PCNT: variants seen among roughly 807,000 people sequenced by gnomAD.
The protein encoded by PCNT is kendrin.
Under a neutral mutation model 380.4 loss-of-function variants are expected in PCNT, and 319 were observed. That is an observed-to-expected ratio of 0.84 (90% CI 0.77 to 0.92). The LOEUF is 0.92. Ranked by LOEUF, PCNT falls within the 40% of genes least tolerant of loss-of-function variation. The probability of loss-of-function intolerance (pLI) is 0.00; values close to 1 mark genes in which losing one functional copy is unlikely to be tolerated. For synonymous variants in PCNT, 1,845 were observed against 1,735.2 expected, an observed-to-expected ratio of 1.06 and a Z score of -1.57; for missense variants, 4,400 against 4,255.3, an observed-to-expected ratio of 1.03 and a Z score of -0.95.
intron 21 of PCNT, among the ~76,000 whole-genome samples, chr21:46,394,240 C>CA (rs562106969): frequency 4.7e-4 from 72 of 152,348 alleles, no homozygotes; most frequent in African/African-American, 1.6e-3. Flanking sequence ...TTGCGTGACG[C>CA]CCCCTTCGCT....
intron 15 of PCNT, among the ~76,000 whole-genome samples, chr21:46,369,762 C>T (rs1322946960): frequency 6.6e-6 from 1 of 152,150 alleles, no homozygotes; most frequent in East Asian, 1.9e-4. Context: ...GTTTCCTGGA[C>T]GGAAGGAGCT....
chr21:46,350,186 TAAATA>T lies in PCNT; in HGVS notation c.1344+376_1344+380del, dbSNP rs545324616. Among the ~76,000 whole-genome samples, 10 of 152,126 alleles carry T rather than the reference TAAATA, an allele frequency of 6.6e-5. No individual in the cohort carries two copies. The East Asian group carries it at 7.7e-4, about 12-fold the overall frequency. ...AGCGAGCCTCCGTCTCAAAAGCAAA[TAAATA>T]AAATAAAATGAAATAAAAAAATAAA... On this transcript the variant is annotated intron_variant, in intron 8 of 46. Coordinates refer to ENST00000359568, the MANE Select transcript of PCNT (RefSeq NM_006031.6).
intron 14 of PCNT, among the ~76,000 whole-genome samples, chr21:46,365,337 A>G (rs11702644): frequency 0.71 from 54,255 of 76,852 alleles, 18,026 homozygotes; most frequent in African/African-American, 0.81. Flanking sequence ...ATTCACTGCC[A>G]TGGGGTTCTA....
At chr21:46,419,722 C>A (rs528127598) in intron 31 of PCNT, among the ~76,000 whole-genome samples, 54 of 152,328 alleles carry the variant, frequency 3.5e-4, no homozygotes, top group African/African-American at 1.2e-3. Flanking sequence ...GGCTCCCAGG[C>A]GGCCCCTTGC....
intron 2 of PCNT, among the ~76,000 whole-genome samples, chr21:46,332,584 C>T (rs1274948477): frequency 6.6e-6 from 1 of 152,164 alleles, no homozygotes; most frequent in Non-Finnish European, 1.5e-5. Context: ...ACTGTGTCCC[C>T]TTTTCGTCCC....
intron 45 of PCNT, 113 bp downstream of exon 45, chr21:46,444,061 C>A: frequency 2.6e-6 from 3 of 1,163,480 alleles, no homozygotes; most frequent in Non-Finnish European, 3.6e-6. Flanking sequence ...CAGGGCAAGG[C>A]AGGAAACTCT....
At chr21:46,434,296 C>T (rs751119537) in intron 38 of PCNT, among the ~76,000 whole-genome samples, 9 of 152,344 alleles carry the variant, frequency 5.9e-5, no homozygotes, top group South Asian at 4.1e-4. Flanking sequence ...TTGAGTGAGG[C>T]GCTGTCAGGA....
At chr21:46,368,363 A>G (rs1261578767) in intron 15 of PCNT, among the ~76,000 whole-genome samples, 2 of 151,648 alleles carry the variant, frequency 1.3e-5, no homozygotes, top group East Asian at 1.9e-4. Flanking sequence ...CAGGAGAATG[A>G]TGTGAACCCG....
At chr21:46,370,455 G>A (rs1319986239) in intron 15 of PCNT, among the ~76,000 whole-genome samples, 2 of 150,820 alleles carry the variant, frequency 1.3e-5, no homozygotes, top group East Asian at 1.9e-4. Context: ...GGGGGATAGT[G>A]AGGGGTGCCT....
intron 33 of PCNT, among the ~76,000 whole-genome samples, chr21:46,426,584 C>T (rs1394511974): frequency 6.6e-6 from 1 of 151,026 alleles, no homozygotes; most frequent in East Asian, 1.9e-4. Flanking sequence ...AGGGCCTCTC[C>T]TCCTGCCACT....
At chr21:46,358,501 G>A (rs528063851) in intron 13 of PCNT, among the ~76,000 whole-genome samples, 14 of 152,372 alleles carry the variant, frequency 9.2e-5, no homozygotes, top group African/African-American at 3.1e-4. Flanking sequence ...CCGGACAGGC[G>A]GTAGGTGGGC....
At chr21:46,358,469 A>G (rs1385043170) in intron 13 of PCNT, among the ~76,000 whole-genome samples, 1 of 152,256 alleles carries the variant, frequency 6.6e-6, no homozygotes, top group African/African-American at 2.4e-5. Flanking sequence ...AAATAGAGGT[A>G]AGGGTGGAGC....
chr21:46,367,707 G>A (rs892984826), intron 15 of PCNT, among the ~76,000 whole-genome samples: 1 of 152,192 alleles, frequency 6.6e-6, no homozygotes, highest in Admixed American at 6.5e-5. Flanking sequence ...CTAGACCTTG[G>A]TGGGGGATTT....
chr21:46,332,998 A>G (rs1016287128), intron 2 of PCNT, among the ~76,000 whole-genome samples: 1 of 152,248 alleles, frequency 6.6e-6, no homozygotes, highest in African/African-American at 2.4e-5. Context: ...CAGTAGTTCC[A>G]GCTACTCAGG....
At chr21:46,412,195 G>A in intron 28 of PCNT, 128 bp downstream of exon 28, 7 of 1,139,740 alleles carry the variant, frequency 6.1e-6, no homozygotes, top group Non-Finnish European at 8.7e-6. Flanking sequence ...TGACACAGCG[G>A]AGAAAGGGGG....
In PCNT at chr21:46,444,813, T is replaced by G. The variant is rs917159129; in HGVS notation, c.9959T>G (p.Val3320Gly). The change falls in exon 46 of 47, where the codon GTA (valine) becomes GGA (glycine). Residue 3320 changes from valine (V) to glycine (G), a missense_variant. Coordinates refer to ENST00000359568, the MANE Select transcript of PCNT (RefSeq NM_006031.6). ...GTGATCCAGCAAAGATTGGGAGGGG[T>G]ACTACCAGGTAATGCAAGTCCTCGC... ...LEVIQQRLGGVLPDSTSKKSC... is the reference protein window; with the variant it reads ...LEVIQQRLGGGLPDSTSKKSC... 1.2e-6 allele frequency: 2 copies of G among 1,613,082 alleles called. No individual in the cohort carries two copies. The highest frequency in any genetic ancestry group is 1.7e-6 in the Non-Finnish European group (2 of 1,179,214).
rs531248091 is a variant in PCNT, at chr21:46,433,442, G to A, written c.8751+1227G>A. ...GTTTTTTTTATCTCCAGAAGCCTTG[G>A]AGAGTAGGGAGGTGGTTTGGTGGTA... On this transcript the variant is annotated intron_variant, in intron 38 of 46. Coordinates refer to ENST00000359568, the MANE Select transcript of PCNT (RefSeq NM_006031.6). 6.6e-5 allele frequency among the ~76,000 whole-genome samples: 10 copies of A among 152,274 alleles called. No homozygotes were observed. The East Asian group carries it at 1.5e-3, about 24-fold the overall frequency.
At chr21:46,407,192 C>T (rs1396095616) in intron 27 of PCNT, among the ~76,000 whole-genome samples, 1 of 152,008 alleles carries the variant, frequency 6.6e-6, no homozygotes, top group East Asian at 1.9e-4. Context: ...AGTTTTATAT[C>T]TAGAGAGATT....
chr21:46,366,710 C>T lies in PCNT; in HGVS notation c.2736C>T (p.Leu912=), dbSNP rs776976942. The T allele has an allele frequency of 1.2e-6, 2 of 1,613,762 alleles. No individual in the cohort carries two copies. Among genetic ancestry groups the T allele is most frequent in the Non-Finnish European group, 1.7e-6 (2 of 1,180,038 alleles). Residue 912 remains leucine (L), a synonymous_variant, in exon 15 of 47, where the codon CTC becomes CTT. Coordinates refer to ENST00000359568, the MANE Select transcript of PCNT (RefSeq NM_006031.6). ...QLLQERHQQQ[L]LSVTAELEAR... ...TCCAGGAGAGACACCAGCAGCAGCT[C>T]CTGTCAGTGACGGCGGAGCTCGAGG...
Sources: gnomAD v4.1 joint callset for allele counts (sites outside exome capture counted in the v4.1 genomes callset) on GRCh38, gnomAD v4.1.1 for gene constraint, MANE v1.5 for transcripts, NCBI Gene and HGNC (gene_info 2026-07-23, HGNC 2026-07-21) for gene names.